The following DOCK7 variants were observed in gnomAD, a reference collection of about 807,000 sequenced individuals.
DOCK7 encodes the protein dedicator of cytokinesis 7.
Under a neutral mutation model 271.0 loss-of-function variants are expected in DOCK7, and 138 were observed. That is an observed-to-expected ratio of 0.51 (90% CI 0.44 to 0.59). The LOEUF (loss-of-function observed/expected upper bound fraction) is 0.59, where lower values mean the gene tolerates loss of function less well. Ranked by LOEUF, DOCK7 falls within the 20% of genes least tolerant of loss-of-function variation. The pLI is 0.00. For synonymous variants in DOCK7, 823 were observed against 876.1 expected, an observed-to-expected ratio of 0.94 and a Z score of 1.07; for missense variants, 2,066 against 2,592.4, an observed-to-expected ratio of 0.80 and a Z score of 4.41.
chr1:62,570,774 T>G (rs555267188), intron 18 of DOCK7, among the ~76,000 whole-genome samples: 2 of 152,246 alleles, frequency 1.3e-5, no homozygotes, highest in East Asian at 3.9e-4. Context: ...CATCTGATCT[T>G]CAACAAACCT....
chr1:62,612,315 A>C (rs1651896772), intron 14 of DOCK7, among the ~76,000 whole-genome samples: 1 of 152,200 alleles, frequency 6.6e-6, no homozygotes. Context: ...CAAGTTAATT[A>C]ATCTGTTCTC....
intron 1 of DOCK7, among the ~76,000 whole-genome samples, chr1:62,672,855 T>C (rs1660163486): frequency 2.0e-5 from 3 of 152,256 alleles, no homozygotes; most frequent in Admixed American, 6.5e-5. Flanking sequence ...TTTCCAAAGA[T>C]AAAATAATTC....
intron 43 of DOCK7, chr1:62,483,066 G>C (rs779544427): frequency 6.6e-6 from 1 of 151,810 alleles, no homozygotes; most frequent in Non-Finnish European, 1.5e-5. Flanking sequence ...CTAGAGTGCA[G>C]TGGTGATCAT....
At chr1:62,526,985 G>T (rs1449646970) in intron 31 of DOCK7, among the ~76,000 whole-genome samples, 1 of 152,086 alleles carries the variant, frequency 6.6e-6, no homozygotes, top group Non-Finnish European at 1.5e-5. Context: ...ATTAGCTTGT[G>T]GTGATACCTG....
At chr1:62,636,139 C>A (rs1213534036) in intron 8 of DOCK7, among the ~76,000 whole-genome samples, 2 of 152,070 alleles carry the variant, frequency 1.3e-5, no homozygotes, top group Admixed American at 1.3e-4. Flanking sequence ...GTAGTCCCAG[C>A]TACTCGGGAG....
chr1:62,469,439 C>A (rs1297958819), intron 48 of DOCK7, among the ~76,000 whole-genome samples: 1 of 152,174 alleles, frequency 6.6e-6, no homozygotes, highest in South Asian at 2.1e-4. Context: ...CAAGGACTTA[C>A]ATCTAATACC....
chr1:62,651,011 T>C (rs1411366425), intron 4 of DOCK7, among the ~76,000 whole-genome samples: 8 of 150,248 alleles, frequency 5.3e-5, no homozygotes, highest in South Asian at 2.1e-4. Context: ...TTTACTGCGG[T>C]GCTATTCACA....
intron 1 of DOCK7, among the ~76,000 whole-genome samples, chr1:62,668,275 T>C (rs528135682): frequency 6.6e-6 from 1 of 152,244 alleles, no homozygotes; most frequent in South Asian, 2.1e-4. Flanking sequence ...ATGTGGTGGA[T>C]AAATTAACAA....
intron 22 of DOCK7, among the ~76,000 whole-genome samples, chr1:62,552,232 G>A (rs1177840048): frequency 2.6e-5 from 4 of 152,028 alleles, no homozygotes; most frequent in Non-Finnish European, 4.4e-5. Flanking sequence ...TGGGGGAAGC[G>A]TTCTCTTTTC....
intron 42 of DOCK7, 108 bp downstream of exon 42, chr1:62,488,825 AT>A: frequency 7.1e-7 from 1 of 1,413,708 alleles, no homozygotes; most frequent in Non-Finnish European, 9.9e-7. Flanking sequence ...TTGTAGTCTG[AT>A]TAAAATGGTC....
rs1330605458 is a variant in DOCK7, at chr1:62,454,765, T to C, written c.*649A>G. 6.4e-6 allele frequency: 1 copy of C among 156,700 alleles called. No individual in the cohort carries two copies. The highest frequency in any genetic ancestry group is 6.5e-5 in the Admixed American group (1 of 15,428). 9.7% of individuals were successfully genotyped at this position (156,700 alleles called of 1,614,324 possible). A position where few individuals can be genotyped will look rare whatever the true frequency, so the allele number is the denominator to read the frequency against. ...TTTAATCAAGTTAAGGTGTTGTCAC[T>C]GGTATTAGTTATCCCCGTATTTAAA... is the stretch of plus-strand genomic sequence containing the variant. On this transcript the variant is annotated 3_prime_UTR_variant, in exon 50 of 50. Transcript: ENST00000635253.
chr1:62,490,930 C>T (rs1646447753), intron 41 of DOCK7, among the ~76,000 whole-genome samples: 1 of 152,184 alleles, frequency 6.6e-6, no homozygotes, highest in Admixed American at 6.5e-5. Flanking sequence ...CAAAAACACT[C>T]TTAAGAGTCT....
intron 48 of DOCK7, among the ~76,000 whole-genome samples, chr1:62,469,304 A>G (rs527553225): frequency 4.6e-5 from 7 of 152,332 alleles, no homozygotes; most frequent in East Asian, 1.9e-4. Context: ...AAAGCAAACA[A>G]AAACATAAAG....
Position 62,474,086 on chromosome 1 carries a change from C to T in DOCK7, c.6108G>A (p.Gly2036=), listed in dbSNP as rs771973972. The change falls in exon 48 of 50, where the codon GGG becomes GGA. Residue 2036 remains glycine (G), a splice_region_variant and synonymous_variant. Coordinates refer to ENST00000635253, the MANE Select transcript of DOCK7 (RefSeq NM_001367561.1). The part of the protein sequence containing the change: ...QGSVGTTVNQ[G]PLEVAQVFLS... Reference sequence around the variant, plus strand: ...GAAAAACCTGGGCAACTTCCAAAGGCCCCTGCAAAATAAGAAAATAAGAAG... The same window carrying T: ...GAAAAACCTGGGCAACTTCCAAAGGTCCCTGCAAAATAAGAAAATAAGAAG... 9 of 1,611,070 alleles carry T rather than the reference C, an allele frequency of 5.6e-6. No individual in the cohort carries two copies. The highest frequency in any genetic ancestry group is 4.4e-5 in the South Asian group (4 of 90,742).
chr1:62,658,146 A>C (rs1312437178), intron 2 of DOCK7, among the ~76,000 whole-genome samples: 2 of 151,846 alleles, frequency 1.3e-5, no homozygotes, highest in South Asian at 2.1e-4. Flanking sequence ...AAAGAAAAAA[A>C]AAAAAGAAAG....
Position 62,591,498 on chromosome 1 carries a change from A to T in DOCK7, c.1683-4874T>A, listed in dbSNP as rs578186839. On this transcript the variant is annotated intron_variant, in intron 14 of 49. Coordinates refer to ENST00000635253, the MANE Select transcript of DOCK7 (RefSeq NM_001367561.1). ...CACATGTCCCCAAACCTAAAAGTTT[A>T]AAAAAAGTATTAATCTACATTAAAA... Among the ~76,000 whole-genome samples the T allele has an allele frequency of 8.5e-5, 13 of 152,274 alleles. No individual in the cohort carries two copies. In the South Asian group the frequency reaches 1.2e-3, roughly 15 times the overall value.
At chr1:62,609,956 T>C (rs1020962725) in intron 14 of DOCK7, among the ~76,000 whole-genome samples, 15 of 152,170 alleles carry the variant, frequency 9.9e-5, no homozygotes, top group Non-Finnish European at 1.6e-4. Flanking sequence ...GTTCAAGTGA[T>C]TCTCCTGCCT....
At chr1:62,671,527 G>A (rs898483492) in intron 1 of DOCK7, among the ~76,000 whole-genome samples, 2 of 152,074 alleles carry the variant, frequency 1.3e-5, no homozygotes, top group East Asian at 1.9e-4. Context: ...AAAAGAGAGA[G>A]ATACTGAATA....
chr1:62,572,045 G>A (rs963986097), intron 18 of DOCK7, among the ~76,000 whole-genome samples: 1 of 152,116 alleles, frequency 6.6e-6, no homozygotes. Flanking sequence ...TCCTGCACAT[G>A]TACTCCAGAA....
Sources: gnomAD v4.1 joint callset for allele counts (sites outside exome capture counted in the v4.1 genomes callset) on GRCh38, gnomAD v4.1.1 for gene constraint, MANE v1.5 for transcripts, NCBI Gene and HGNC (gene_info 2026-07-23, HGNC 2026-07-21) for gene names.